The following NEGR1 variants were observed in gnomAD, a reference collection of about 807,000 sequenced individuals.
NEGR1 encodes neuronal growth regulator 1, also known as IgLON family member 4.
NEGR1 carries 10 observed loss-of-function variants against 40.9 expected under a neutral mutation model. That is an observed-to-expected ratio of 0.24 (90% CI 0.15 to 0.42). The LOEUF (loss-of-function observed/expected upper bound fraction) is 0.42. Among genes scored for constraint, NEGR1 ranks in the 10% least tolerant of loss-of-function variants. NEGR1 has a pLI of 1.00. For missense variants in NEGR1, 352 were observed against 438.9 expected (o/e 0.80, Z 1.77); for synonymous variants, 185 against 166.8 (o/e 1.11, Z -0.84).
chr1:72,158,102 G>A (rs1171687753), intron 1 of NEGR1, among the ~76,000 whole-genome samples: 1 of 152,134 alleles, frequency 6.6e-6, no homozygotes, highest in Non-Finnish European at 1.5e-5. Context: ...CAGTAATTTT[G>A]AAATTTCCTC....
chr1:71,945,607 T>A (rs1358118040), intron 1 of NEGR1, among the ~76,000 whole-genome samples: 2 of 134,836 alleles, frequency 1.5e-5, no homozygotes, highest in Non-Finnish European at 3.0e-5. Context: ...CAAAAGTTTC[T>A]TTTTTTATAC....
At chr1:71,970,687 C>T (rs1176306021) in intron 1 of NEGR1, among the ~76,000 whole-genome samples, 1 of 150,848 alleles carries the variant, frequency 6.6e-6, no homozygotes, top group Non-Finnish European at 1.5e-5. Context: ...GACTCTGTCT[C>T]AAAGAAAAAA....
intron 1 of NEGR1, among the ~76,000 whole-genome samples, chr1:72,177,292 T>C (rs915572282): frequency 2.0e-5 from 3 of 152,002 alleles, no homozygotes; most frequent in African/African-American, 7.2e-5. Flanking sequence ...TGATATGATG[T>C]GATGAGTAAG....
intron 3 of NEGR1, among the ~76,000 whole-genome samples, chr1:71,702,259 C>T (rs1463044013): frequency 1.3e-5 from 2 of 151,964 alleles, no homozygotes; most frequent in African/African-American, 4.8e-5. Flanking sequence ...AGATCTCTGA[C>T]CAGTGAATAA....
rs1277631489 is a variant in NEGR1, at chr1:71,399,001, G to A, written c.*8445C>T. On this transcript the variant is annotated 3_prime_UTR_variant, in exon 7 of 7. Transcript: ENST00000357731. ...GATTGTGAGGCTTCCCCAGCCACAT[G>A]GAACTGTAGGTCCAAAAAAACCTCT... 6.6e-6 allele frequency: 1 copy of A among 152,564 alleles called. No individual in the cohort carries two copies. The highest frequency in any genetic ancestry group is 1.5e-5 in the Non-Finnish European group (1 of 68,404). The allele number at this position is 152,564 out of a possible 1,614,324, so 9.5% of individuals were successfully genotyped here. A position where few individuals can be genotyped will look rare whatever the true frequency, so the allele number is the denominator to read the frequency against.
intron 4 of NEGR1, among the ~76,000 whole-genome samples, chr1:71,613,161 C>T (rs1193349569): frequency 6.6e-6 from 1 of 152,062 alleles, no homozygotes; most frequent in East Asian, 1.9e-4. Flanking sequence ...AGGTGGGTGG[C>T]TCACTCCAGG....
At chr1:71,721,150 T>G (rs1654497133) in intron 3 of NEGR1, among the ~76,000 whole-genome samples, 1 of 152,142 alleles carries the variant, frequency 6.6e-6, no homozygotes, top group Non-Finnish European at 1.5e-5. Context: ...AATTTTAGTC[T>G]TAACACTTGC....
At chr1:71,943,927 A>T (rs535844809) in intron 1 of NEGR1, among the ~76,000 whole-genome samples, 1 of 152,376 alleles carries the variant, frequency 6.6e-6, no homozygotes, top group African/African-American at 2.4e-5. Context: ...AATGAAGCAA[A>T]GAATGTAAAA....
intron 1 of NEGR1, among the ~76,000 whole-genome samples, chr1:71,967,005 C>T (rs1423002827): frequency 6.6e-6 from 1 of 152,078 alleles, no homozygotes; most frequent in East Asian, 1.9e-4. Context: ...AATCTAGGCA[C>T]AACCAGCTGG....
chr1:71,498,027 A>C (rs1475013344), intron 6 of NEGR1, among the ~76,000 whole-genome samples: 1 of 151,738 alleles, frequency 6.6e-6, no homozygotes, highest in Admixed American at 6.6e-5. Flanking sequence ...ATCACCAAAA[A>C]CTCAACATGA....
At chr1:72,124,330 T>A (rs188275199) in intron 1 of NEGR1, among the ~76,000 whole-genome samples, 35 of 152,024 alleles carry the variant, frequency 2.3e-4, no homozygotes, top group African/African-American at 8.2e-4. Context: ...CCTACTATTA[T>A]GGCCCTGCTT....
chr1:72,210,315 T>C lies in NEGR1; in HGVS notation c.176+72004A>G, dbSNP rs954169439. Among the ~76,000 whole-genome samples the C allele has an allele frequency of 4.6e-5, 7 of 151,854 alleles. No homozygotes were observed. The South Asian group carries it at 1.2e-3, about 27-fold the overall frequency. ...GACATCACTGAGTTGAAAAGACTACTGAAAGCCTTGAGTACACATATTTTT... is the reference window on the plus strand; with the variant it reads ...GACATCACTGAGTTGAAAAGACTACCGAAAGCCTTGAGTACACATATTTTT... On this transcript the variant is annotated intron_variant, in intron 1 of 6. Transcript: ENST00000357731.
intron 2 of NEGR1, among the ~76,000 whole-genome samples, chr1:71,894,031 A>G (rs1432770918): frequency 3.0e-5 from 3 of 101,564 alleles, no homozygotes; most frequent in African/African-American, 1.1e-4. Flanking sequence ...ATGAGATCAC[A>G]TGGACACAGG....
intron 1 of NEGR1, among the ~76,000 whole-genome samples, chr1:72,280,400 A>G (rs1477221923): frequency 6.6e-6 from 1 of 152,166 alleles, no homozygotes; most frequent in Non-Finnish European, 1.5e-5. Context: ...CACTACAAAT[A>G]AGCAATATGT....
intron 1 of NEGR1, among the ~76,000 whole-genome samples, chr1:72,216,043 T>C (rs1653794027): frequency 6.6e-6 from 1 of 150,946 alleles, no homozygotes; most frequent in African/African-American, 2.4e-5. Context: ...AAAGGATGAG[T>C]TCATGTCGTT....
intron 4 of NEGR1, among the ~76,000 whole-genome samples, chr1:71,646,223 C>G (rs1557598775): frequency 6.6e-6 from 1 of 151,568 alleles, no homozygotes; most frequent in African/African-American, 2.4e-5. Flanking sequence ...TACATAAACA[C>G]ATATATATAC....
At chr1:71,454,149 C>T (rs55938118) in intron 6 of NEGR1, among the ~76,000 whole-genome samples, 5,263 of 152,246 alleles carry the variant, frequency 0.035, 318 homozygotes, top group African/African-American at 0.12. Context: ...CCCACCTTAA[C>T]AGCAACTCTC....
At chr1:72,033,944 C>T (rs1222212758) in intron 1 of NEGR1, among the ~76,000 whole-genome samples, 1 of 152,122 alleles carries the variant, frequency 6.6e-6, no homozygotes, top group African/African-American at 2.4e-5. Flanking sequence ...CATTGGCCTG[C>T]CATGGGTTAT....
chr1:71,794,461 G>A (rs1019407915), intron 2 of NEGR1: 1 of 151,878 alleles, frequency 6.6e-6, no homozygotes, highest in Non-Finnish European at 1.5e-5. Context: ...GACACACACA[G>A]GTTTTGAATA....
Sources: gnomAD v4.1 joint callset for allele counts (sites outside exome capture counted in the v4.1 genomes callset) on GRCh38, gnomAD v4.1.1 for gene constraint, MANE v1.5 for transcripts, NCBI Gene and HGNC (gene_info 2026-07-23, HGNC 2026-07-21) for gene names.